The following LINGO2 variants were observed in gnomAD, a reference collection of about 807,000 sequenced individuals.
The protein encoded by LINGO2 is leucine rich repeat and Ig domain containing 2, also known as leucine-rich repeat and immunoglobulin-like domain-containing nogo receptor-interacting protein 2.
Under a neutral mutation model 30.6 loss-of-function variants are expected in LINGO2, and 14 were observed. That is an observed-to-expected ratio of 0.46 (90% confidence interval 0.30 to 0.72). LINGO2 has a LOEUF of 0.72. LINGO2 is among the 30% of genes least tolerant of loss of function. LINGO2 has a pLI of 0.07. For synonymous variants in LINGO2, 317 were observed against 288.5 expected, an observed-to-expected ratio of 1.10 and a Z score of -1.00; for missense variants, 729 against 751.7, an observed-to-expected ratio of 0.97 and a Z score of 0.35.
the LINGO2 span, among the ~76,000 whole-genome samples, chr9:28,937,301 T>A: frequency 3.3e-5 from 5 of 152,092 alleles, no homozygotes; most frequent in African/African-American, 1.2e-4. Flanking sequence ...GAGGCAGCAT[T>A]TGAAATTTGT....
At chr9:28,542,817 G>A (rs1821760673) in intron 1 of LINGO2, among the ~76,000 whole-genome samples, 1 of 152,006 alleles carries the variant, frequency 6.6e-6, no homozygotes, top group South Asian at 2.1e-4. Context: ...GTTATGCTGA[G>A]GTGAGTGAAA....
At chr9:28,198,905 C>G (rs552917461) in intron 4 of LINGO2, among the ~76,000 whole-genome samples, 17 of 152,260 alleles carry the variant, frequency 1.1e-4, no homozygotes, top group African/African-American at 4.1e-4. Flanking sequence ...GATTTCCTGA[C>G]AAGTGCTCTG....
chr9:28,563,680 A>C (rs1443150464), intron 1 of LINGO2, among the ~76,000 whole-genome samples: 1 of 152,136 alleles, frequency 6.6e-6, no homozygotes, highest in Non-Finnish European at 1.5e-5. Context: ...TGAAACTCTT[A>C]AGATCGCTCA....
the LINGO2 span, among the ~76,000 whole-genome samples, chr9:29,207,108 A>T: frequency 2.6e-5 from 4 of 151,668 alleles, no homozygotes; most frequent in Non-Finnish European, 4.4e-5. Flanking sequence ...CTATGTATGC[A>T]TATGCTGTCT....
the LINGO2 span, among the ~76,000 whole-genome samples, chr9:29,115,256 C>A: frequency 6.6e-6 from 1 of 151,786 alleles, no homozygotes; most frequent in Non-Finnish European, 1.5e-5. Context: ...TAGGTGAGTT[C>A]AGAGCAAGTT....
At chr9:27,938,395 C>T in the LINGO2 span, 5 of 152,098 alleles carry the variant, frequency 3.3e-5, no homozygotes, top group Non-Finnish European at 7.4e-5. Context: ...TATACCATTT[C>T]CTCATGCTTT....
At chr9:29,205,172 C>T in the LINGO2 span, among the ~76,000 whole-genome samples, 1 of 152,110 alleles carries the variant, frequency 6.6e-6, no homozygotes, top group African/African-American at 2.4e-5. Flanking sequence ...TCCCGAGTAG[C>T]TGGACCTACA....
intron 4 of LINGO2, among the ~76,000 whole-genome samples, chr9:28,062,812 T>C (rs577616813): frequency 6.6e-6 from 1 of 151,864 alleles, no homozygotes; most frequent in Non-Finnish European, 1.5e-5. Context: ...GGTACGTTCA[T>C]AGAGGTGTGC....
At chr9:29,005,917 C>A in the LINGO2 span, among the ~76,000 whole-genome samples, 1 of 151,300 alleles carries the variant, frequency 6.6e-6, no homozygotes, top group South Asian at 2.1e-4. Flanking sequence ...TATTTTTGGT[C>A]CTTAGTTTGG....
At chr9:29,105,557 T>G in the LINGO2 span, among the ~76,000 whole-genome samples, 2 of 152,208 alleles carry the variant, frequency 1.3e-5, no homozygotes, top group African/African-American at 2.4e-5. Context: ...AGACTTTGTC[T>G]AATTTCCTTC....
chr9:28,272,035 T>A (rs1822958160), intron 4 of LINGO2, among the ~76,000 whole-genome samples: 1 of 152,178 alleles, frequency 6.6e-6, no homozygotes, highest in Non-Finnish European at 1.5e-5. Flanking sequence ...TTAAAACAAT[T>A]CCAGTCAACT....
chr9:28,154,457 A>T (rs1422092073), intron 4 of LINGO2, among the ~76,000 whole-genome samples: 1 of 152,188 alleles, frequency 6.6e-6, no homozygotes, highest in African/African-American at 2.4e-5. Context: ...GTCTGCTTGG[A>T]TACATGCCTA....
chr9:28,897,620 A>C, the LINGO2 span, among the ~76,000 whole-genome samples: 12 of 152,060 alleles, frequency 7.9e-5, no homozygotes, highest in Non-Finnish European at 1.6e-4. Context: ...TCTGGCTCTG[A>C]TATTTTCTAT....
intron 2 of LINGO2, among the ~76,000 whole-genome samples, chr9:28,393,225 G>A (rs1821906116): frequency 6.6e-6 from 1 of 152,228 alleles, no homozygotes; most frequent in Admixed American, 6.5e-5. Context: ...GGCAGGAACA[G>A]CAGTGAAAAA....
chr9:28,655,047 T>C (rs932783827), intron 1 of LINGO2, among the ~76,000 whole-genome samples: 3 of 152,102 alleles, frequency 2.0e-5, no homozygotes, highest in African/African-American at 7.2e-5. Context: ...GTGCTTAAGA[T>C]AACTTGGTGA....
the LINGO2 span, among the ~76,000 whole-genome samples, chr9:28,821,863 T>A: frequency 6.6e-6 from 1 of 152,036 alleles, no homozygotes; most frequent in African/African-American, 2.4e-5. Flanking sequence ...CAAAGGCCCG[T>A]CAAGGTAATA....
In LINGO2 at chr9:28,078,664, T is replaced by C. The variant is rs571349712; in HGVS notation, c.-86-66259A>G. Among the ~76,000 whole-genome samples the C allele has an allele frequency of 1.9e-4, 28 of 148,106 alleles. 6 individuals carry two copies. Among genetic ancestry groups the C allele is most frequent in the African/African-American group, 7.2e-4 (27 of 37,720 alleles). Reference sequence around the variant, plus strand: ...TCAGGAGTTTGAGACCAGCCTAACATGGAGAAACGCCGTCTCTATTAAAAA... The same window carrying C: ...TCAGGAGTTTGAGACCAGCCTAACACGGAGAAACGCCGTCTCTATTAAAAA... On this transcript the variant is annotated intron_variant, in intron 4 of 5. Transcript: ENST00000379992.
At chr9:28,556,541 G>A (rs2135529535) in intron 1 of LINGO2, among the ~76,000 whole-genome samples, 1 of 152,188 alleles carries the variant, frequency 6.6e-6, no homozygotes. Context: ...TGGGTAGGAA[G>A]AATCAATATC....
the LINGO2 span, among the ~76,000 whole-genome samples, chr9:28,990,449 G>A: frequency 6.6e-6 from 1 of 152,214 alleles, no homozygotes; most frequent in African/African-American, 2.4e-5. Flanking sequence ...CAAAAAGGCA[G>A]CAGTAACCTC....
Sources: gnomAD v4.1 joint callset for allele counts (sites outside exome capture counted in the v4.1 genomes callset) on GRCh38, gnomAD v4.1.1 for gene constraint, MANE v1.5 for transcripts, NCBI Gene and HGNC (gene_info 2026-07-23, HGNC 2026-07-21) for gene names.